DDC: variants seen among roughly 807,000 people sequenced by gnomAD.
DDC encodes the protein dopa decarboxylase.
Under a neutral mutation model 60.0 loss-of-function variants are expected in DDC, and 43 were observed. The ratio of observed to expected loss-of-function variants is 0.72; its 90% confidence interval spans 0.56 to 0.92. The LOEUF (loss-of-function observed/expected upper bound fraction) is 0.92. Ranked by LOEUF, DDC falls within the 40% of genes least tolerant of loss-of-function variation. DDC has a pLI of 0.00. For missense variants in DDC, 573 were observed against 620.2 expected (o/e 0.92, Z 0.81); for synonymous variants, 232 against 234.6 (o/e 0.99, Z 0.10).
At chr7:50,521,208 T>C (rs1430664626) in intron 6 of DDC, among the ~76,000 whole-genome samples, 1 of 151,944 alleles carries the variant, frequency 6.6e-6, no homozygotes, top group Non-Finnish European at 1.5e-5. Flanking sequence ...CTAAATAAAA[T>C]AGACCAACTT....
chr7:50,482,688 C>G (rs530711287), intron 9 of DDC, among the ~76,000 whole-genome samples: 1 of 152,274 alleles, frequency 6.6e-6, no homozygotes, highest in South Asian at 2.1e-4. Context: ...TATCATCCTA[C>G]TTAGGACTTC....
At chr7:50,491,886 A>C (rs145975162) in intron 9 of DDC, among the ~76,000 whole-genome samples, 1 of 152,286 alleles carries the variant, frequency 6.6e-6, no homozygotes, top group East Asian at 1.9e-4. Context: ...GAAAGGCACA[A>C]AGCACACCCT....
intron 14 of DDC, among the ~76,000 whole-genome samples, chr7:50,461,428 T>C (rs2042270873): frequency 6.6e-6 from 1 of 152,280 alleles, no homozygotes; most frequent in Admixed American, 6.5e-5. Context: ...GGACTTACTA[T>C]TGTATCACAT....
At chr7:50,510,837 T>C (rs1316149743) in intron 6 of DDC, among the ~76,000 whole-genome samples, 1 of 151,040 alleles carries the variant, frequency 6.6e-6, no homozygotes, top group African/African-American at 2.4e-5. Flanking sequence ...AAAAATTAGC[T>C]GGGCGCGGTG....
chr7:50,529,207 C>A lies in DDC; in HGVS notation c.570+1G>T. ...GGCTGATACCCCCACAACACACTCA[C>A]CTGATCGGATGAGTAAGCCACCAGC... On this transcript the variant is annotated splice_donor_variant, in intron 5 of 14. Coordinates refer to ENST00000444124, the MANE Select transcript of DDC (RefSeq NM_001082971.2). LOFTEE classifies it high-confidence loss of function. The A allele has an allele frequency of 6.2e-7, 1 of 1,613,014 alleles. No individual in the cohort carries two copies. The highest frequency in any genetic ancestry group is 1.1e-5 in the South Asian group (1 of 91,022).
At chr7:50,476,975 G>A (rs993873460) in intron 10 of DDC, among the ~76,000 whole-genome samples, 3 of 152,162 alleles carry the variant, frequency 2.0e-5, no homozygotes, top group African/African-American at 4.8e-5. Flanking sequence ...CACGTAAATC[G>A]TTCATCATTC....
At chr7:50,481,817 T>A (rs2153536593) in intron 9 of DDC, among the ~76,000 whole-genome samples, 1 of 152,310 alleles carries the variant, frequency 6.6e-6, no homozygotes, top group East Asian at 1.9e-4. Context: ...ACTTAAGATG[T>A]ATTATCTTAA....
At chr7:50,512,783 G>A (rs1480181663) in intron 6 of DDC, among the ~76,000 whole-genome samples, 1 of 152,162 alleles carries the variant, frequency 6.6e-6, no homozygotes, top group Admixed American at 6.5e-5. Context: ...AAGGGCCAGT[G>A]CCTTTTTCCC....
intron 10 of DDC, chr7:50,477,557 C>G: frequency 2.2e-6 from 1 of 457,668 alleles, no homozygotes; most frequent in Non-Finnish European, 4.4e-6. Flanking sequence ...CCCTGCACTT[C>G]ATCCACTGCA....
At chr7:50,554,085 C>A (rs1217636135) in intron 1 of DDC, among the ~76,000 whole-genome samples, 4 of 152,192 alleles carry the variant, frequency 2.6e-5, no homozygotes, top group African/African-American at 9.7e-5. Flanking sequence ...AGCTACACCA[C>A]CAAGTGTCAG....
At chr7:50,476,242 C>T (rs1363126785) in intron 11 of DDC, among the ~76,000 whole-genome samples, 1 of 152,210 alleles carries the variant, frequency 6.6e-6, no homozygotes. Flanking sequence ...TGACTGGCCC[C>T]ACCTGGGAGC....
chr7:50,462,237 A>AAAAAAAAAAAAAAAAAAAAAC (rs2042293097), intron 14 of DDC, among the ~76,000 whole-genome samples: 2 of 150,488 alleles, frequency 1.3e-5, no homozygotes, highest in African/African-American at 2.4e-5. Flanking sequence ...AAAAAAAAAA[A>AAAAAAAAAAAAAAAAAAAAAC]AAAAAAAAAA....
At chr7:50,492,402 C>T (rs1444226627) in intron 9 of DDC, among the ~76,000 whole-genome samples, 2 of 152,244 alleles carry the variant, frequency 1.3e-5, no homozygotes, top group African/African-American at 2.4e-5. Flanking sequence ...TCCAGGTACA[C>T]AGCATCTCAC....
Position 50,484,631 on chromosome 7 carries a change from A to G in DDC, c.945-4768T>C, listed in dbSNP as rs79210221. On this transcript the variant is annotated intron_variant, in intron 9 of 14. Coordinates refer to ENST00000444124, the MANE Select transcript of DDC (RefSeq NM_001082971.2). ...AAGAATTTTATGGAAACAGATGTGT[A>G]TGTGTACTTGAGGACATACATGGGC... Among the ~76,000 whole-genome samples the G allele has an allele frequency of 4.9e-4, 75 of 152,326 alleles. 1 individual carries two copies. Among genetic ancestry groups the G allele is most frequent in the Non-Finnish European group, 9.0e-4 (61 of 68,024 alleles).
rs559888770 is a variant in DDC at position 50,502,447 on chromosome 7, C to T, written c.781+1546G>A. Reference sequence around the variant, plus strand: ...TAAATCCGATAGCCCTAGGGAATTACATCAGCCAGCTACTGGCCAGGACAT... The same window carrying T: ...TAAATCCGATAGCCCTAGGGAATTATATCAGCCAGCTACTGGCCAGGACAT... On this transcript the variant is annotated intron_variant, in intron 7 of 14. Coordinates refer to ENST00000444124, the MANE Select transcript of DDC (RefSeq NM_001082971.2). Among the ~76,000 whole-genome samples the T allele has an allele frequency of 3.3e-5, 5 of 152,326 alleles. No homozygotes were observed. The South Asian group carries it at 1.0e-3, about 32-fold the overall frequency.
At chr7:50,504,587 TTTA>T (rs1468610467) in intron 6 of DDC, among the ~76,000 whole-genome samples, 1 of 151,452 alleles carries the variant, frequency 6.6e-6, no homozygotes, top group Non-Finnish European at 1.5e-5. Context: ...GTGTATATAT[TTTA>T]TTTTCTATAT....
At chr7:50,552,538 A>G (rs913056179) in intron 1 of DDC, among the ~76,000 whole-genome samples, 6 of 152,168 alleles carry the variant, frequency 3.9e-5, no homozygotes, top group African/African-American at 1.4e-4. Context: ...ACACGCTTCA[A>G]GAAGAGATGG....
chr7:50,565,229 A>G (rs1433326211), intron 1 of DDC, 56 bp downstream of exon 1: 1 of 152,242 alleles, frequency 6.6e-6, no homozygotes, highest in African/African-American at 2.4e-5. Context: ...GAGTCAAGGT[A>G]CATGTTGCTG....
At chr7:50,490,224 G>A (rs1318922577) in intron 9 of DDC, among the ~76,000 whole-genome samples, 1 of 152,160 alleles carries the variant, frequency 6.6e-6, no homozygotes, top group Non-Finnish European at 1.5e-5. Flanking sequence ...GTCCTTTACA[G>A]GGTCCTGACC....
Sources: allele counts gnomAD v4.1 joint callset (sites outside exome capture counted in the v4.1 genomes callset), GRCh38; gene constraint gnomAD v4.1.1; transcripts MANE v1.5; gene names NCBI Gene and HGNC (gene_info 2026-07-23, HGNC 2026-07-21).